DGCR2: variants seen among roughly 807,000 people sequenced by gnomAD.
DGCR2 encodes integral membrane protein DGCR2/IDD.
Under a neutral mutation model 51.6 loss-of-function variants are expected in DGCR2, and 24 were observed. That is an observed-to-expected ratio of 0.47 (90% CI 0.34 to 0.65). The LOEUF is 0.65. Ranked by LOEUF, DGCR2 falls within the 30% of genes least tolerant of loss-of-function variation. The pLI, the probability that DGCR2 is intolerant of heterozygous loss-of-function variation, is 0.01. For synonymous variants in DGCR2, 340 were observed against 315.4 expected, an observed-to-expected ratio of 1.08 and a Z score of -0.82; for missense variants, 765 against 772.1, an observed-to-expected ratio of 0.99 and a Z score of 0.11.
At chr22:19,067,549 C>T (rs1276677203) in intron 3 of DGCR2, among the ~76,000 whole-genome samples, 3 of 151,972 alleles carry the variant, frequency 2.0e-5, no homozygotes, top group Admixed American at 1.3e-4. Context: ...AAAAATTAGC[C>T]GGGCGTGATG....
chr22:19,068,710 C>CT (rs2082779271), intron 2 of DGCR2, among the ~76,000 whole-genome samples: 3 of 152,228 alleles, frequency 2.0e-5, no homozygotes. Flanking sequence ...ATCTGTCCCC[C>CT]TGCCTGCTGG....
At chr22:19,045,495 A>G (rs927538927) in intron 7 of DGCR2, 1 of 152,266 alleles carries the variant, frequency 6.6e-6, no homozygotes, top group Non-Finnish European at 1.5e-5. Flanking sequence ...ATGGCTGTAC[A>G]GTAACTCATA....
chr22:19,092,971 G>A (rs568485080), intron 1 of DGCR2, among the ~76,000 whole-genome samples: 9 of 127,284 alleles, frequency 7.1e-5, no homozygotes, highest in African/African-American at 2.9e-4. Flanking sequence ...AAAAAAGGAG[G>A]AGGAAGAGGA....
chr22:19,072,047 G>A (rs1028476901), intron 2 of DGCR2, among the ~76,000 whole-genome samples: 11 of 152,056 alleles, frequency 7.2e-5, no homozygotes, highest in South Asian at 2.1e-4. Flanking sequence ...AAAGGTGGGC[G>A]CAGGGACAAG....
intron 5 of DGCR2, among the ~76,000 whole-genome samples, chr22:19,059,573 C>G (rs1311506180): frequency 6.6e-6 from 1 of 152,118 alleles, no homozygotes; most frequent in African/African-American, 2.4e-5. Flanking sequence ...CGTGCAGAGC[C>G]CTCCTCTCAA....
intron 2 of DGCR2, among the ~76,000 whole-genome samples, chr22:19,087,413 A>G (rs1182439921): frequency 6.6e-6 from 1 of 152,092 alleles, no homozygotes; most frequent in Non-Finnish European, 1.5e-5. Flanking sequence ...TTTTTGAAAC[A>G]GAATCTCACT....
At chr22:19,108,633 A>G (rs373770292) in intron 1 of DGCR2, among the ~76,000 whole-genome samples, 1 of 150,724 alleles carries the variant, frequency 6.6e-6, no homozygotes, top group East Asian at 1.9e-4. Flanking sequence ...ACAGAATAGA[A>G]TACAGATCTC....
chr22:19,082,627 G>C lies in DGCR2; in HGVS notation c.202+6741C>G, dbSNP rs183849822. ...TAGACGAGCGTGGTGGCAGATGCCT[G>C]TAATCCCAGCTACTCGGGAGGCTGA... is the stretch of plus-strand genomic sequence containing the variant. On this transcript the variant is annotated intron_variant, in intron 2 of 9. Coordinates refer to ENST00000263196, the MANE Select transcript of DGCR2 (RefSeq NM_005137.3). 2.9e-3 allele frequency among the ~76,000 whole-genome samples: 444 copies of C among 152,182 alleles called. 3 individuals are homozygous for C. The highest frequency in any genetic ancestry group is 3.8e-3 in the Non-Finnish European group (259 of 68,000).
intron 9 of DGCR2, among the ~76,000 whole-genome samples, chr22:19,040,065 C>A (rs555134341): frequency 6.6e-6 from 1 of 152,178 alleles, no homozygotes; most frequent in Non-Finnish European, 1.5e-5. Flanking sequence ...CACAAGGCCC[C>A]GGTGATGCAC....
intron 6 of DGCR2, among the ~76,000 whole-genome samples, chr22:19,055,430 C>A (rs2082590869): frequency 6.6e-6 from 1 of 152,162 alleles, no homozygotes; most frequent in African/African-American, 2.4e-5. Flanking sequence ...ATTAAAATAG[C>A]ATTCTAAGTT....
At chr22:19,102,716 TA>T (rs2083216563) in intron 1 of DGCR2, among the ~76,000 whole-genome samples, 1 of 150,314 alleles carries the variant, frequency 6.7e-6, no homozygotes, top group Non-Finnish European at 1.5e-5. Flanking sequence ...AAAAAAAGGT[TA>T]AAATGGGGCT....
At chr22:19,062,779 A>ATTCTCTCTCATT in intron 5 of DGCR2, among the ~76,000 whole-genome samples, 5 of 127,352 alleles carry the variant, frequency 3.9e-5, no homozygotes, top group Non-Finnish European at 5.4e-5. Flanking sequence ...ATGCATGCTC[A>ATTCTCTCTCATT]CTCTCTCTCT....
intron 2 of DGCR2, among the ~76,000 whole-genome samples, chr22:19,074,935 A>C (rs2145985961): frequency 6.6e-6 from 1 of 152,310 alleles, no homozygotes; most frequent in South Asian, 2.1e-4. Context: ...GCAGCTGCAC[A>C]AGGAGGTAAT....
chr22:19,085,011 T>C (rs1451504746), intron 2 of DGCR2, among the ~76,000 whole-genome samples: 1 of 151,776 alleles, frequency 6.6e-6, no homozygotes. Flanking sequence ...GGGAAAAGAT[T>C]GAGAAATCGG....
chr22:19,072,507 C>T (rs1021565705), intron 2 of DGCR2, among the ~76,000 whole-genome samples: 1 of 152,088 alleles, frequency 6.6e-6, no homozygotes, highest in Non-Finnish European at 1.5e-5. Flanking sequence ...AAGTTAAAAC[C>T]AAAAACAGGC....
chr22:19,041,644 G>T, intron 8 of DGCR2, 163 bp downstream of exon 8: 1 of 858,466 alleles, frequency 1.2e-6, no homozygotes. Flanking sequence ...GAGGGTCTTG[G>T]CAAGAACTTT....
At position 19,048,589 on chromosome 22, in the gene DGCR2, G is replaced by A. The variant is rs2082515985; in HGVS notation, c.857C>T (p.Thr286Ile). ...DNVVDEGFYF[T>I]PKGDDPCLSC... ...CAGGCATGGGTCGTCCCCCTTAGGG[G>A]TGAAGTAGAACCCTTCATCCACCAC... Residue 286 changes from threonine (T) to isoleucine (I), a missense_variant, in exon 7 of 10, where the codon ACC becomes ATC. This residue lies in a region of DGCR2 where 190 missense variants were observed against 265.2 expected (regional missense o/e 0.72). Coordinates refer to ENST00000263196, the MANE Select transcript of DGCR2 (RefSeq NM_005137.3). 6.2e-7 allele frequency: 1 copy of A among 1,614,232 alleles called. No individual in the cohort carries two copies. The highest frequency in any genetic ancestry group is 1.1e-5 in the South Asian group (1 of 91,084).
rs2082389510 is a variant in DGCR2, at chr22:19,038,014, G to C, written c.*851C>G. ...CAATTCAACAGGAGGCAAGAGCCCAGGGCTCCAGAGTGGAGAGACAGGAGG... is the reference window on the plus strand; with the variant it reads ...CAATTCAACAGGAGGCAAGAGCCCACGGCTCCAGAGTGGAGAGACAGGAGG... On this transcript the variant is annotated 3_prime_UTR_variant, in exon 10 of 10. Coordinates refer to ENST00000263196, the MANE Select transcript of DGCR2 (RefSeq NM_005137.3). The C allele has an allele frequency of 1.3e-5, 2 of 152,814 alleles. No homozygotes were observed. The highest frequency in any genetic ancestry group is 4.8e-5 in the African/African-American group (2 of 41,462). 9.5% of individuals were successfully genotyped at this position (152,814 alleles called of 1,614,324 possible). A position where few individuals can be genotyped will look rare whatever the true frequency, so the allele number is the denominator to read the frequency against.
At chr22:19,052,414 T>TCACACACACACACACACA (rs34670843) in intron 6 of DGCR2, among the ~76,000 whole-genome samples, 1 of 148,550 alleles carries the variant, frequency 6.7e-6, no homozygotes, top group Non-Finnish European at 1.5e-5. Context: ...AGACTCTGTC[T>TCACACACACACACACACA]CACACACACA....
Sources: allele counts gnomAD v4.1 joint callset (sites outside exome capture counted in the v4.1 genomes callset), GRCh38; gene constraint gnomAD v4.1.1; regional missense constraint gnomAD v4.1.1; transcripts MANE v1.5; gene names NCBI Gene and HGNC (gene_info 2026-07-23, HGNC 2026-07-21).